GPHN: variants seen among roughly 807,000 people sequenced by gnomAD.
GPHN encodes the protein gephyrin.
GPHN carries 17 observed loss-of-function variants against 95.5 expected under a neutral mutation model. The ratio of observed to expected loss-of-function variants is 0.18; its 90% confidence interval spans 0.12 to 0.27. GPHN has a LOEUF of 0.27. Among genes scored for constraint, GPHN ranks in the 10% least tolerant of loss-of-function variants. The pLI, the probability that GPHN is intolerant of heterozygous loss-of-function variation, is 1.00. For missense variants in GPHN, 660 were observed against 978.1 expected, an observed-to-expected ratio of 0.67 and a Z score of 4.34; for synonymous variants, 320 against 322.5, an observed-to-expected ratio of 0.99 and a Z score of 0.08.
At chr14:67,569,954 C>T in the GPHN span, 2 of 1,610,382 alleles carry the variant, frequency 1.2e-6, no homozygotes, top group Non-Finnish European at 1.7e-6. Context: ...TCCCCTGGGT[C>T]TTTCTCTGGC....
chr14:67,190,870 A>G, the GPHN span, among the ~76,000 whole-genome samples: 1 of 152,236 alleles, frequency 6.6e-6, no homozygotes, highest in East Asian at 1.9e-4. Flanking sequence ...TGCTGGGAAT[A>G]ATTAACCTCA....
intron 8 of GPHN, among the ~76,000 whole-genome samples, chr14:66,959,087 C>T (rs2068725636): frequency 1.3e-5 from 2 of 152,058 alleles, no homozygotes; most frequent in African/African-American, 4.8e-5. Flanking sequence ...CAATATTATA[C>T]AACAACTTCA....
At chr14:66,521,296 C>T (rs1362757794) in intron 1 of GPHN, among the ~76,000 whole-genome samples, 1 of 151,764 alleles carries the variant, frequency 6.6e-6, no homozygotes, top group East Asian at 1.9e-4. Context: ...TATAAACTTC[C>T]AGGATGCTCA....
the GPHN span, among the ~76,000 whole-genome samples, chr14:67,405,765 C>T: frequency 6.6e-6 from 1 of 152,058 alleles, no homozygotes; most frequent in South Asian, 2.1e-4. Flanking sequence ...CCTAAGCAGC[C>T]CAATTGAGAG....
intron 18 of GPHN, among the ~76,000 whole-genome samples, chr14:67,147,163 T>C (rs1047267064): frequency 1.3e-5 from 2 of 152,256 alleles, no homozygotes; most frequent in African/African-American, 4.8e-5. Flanking sequence ...TCTGCTTTCC[T>C]GAAGCCATCA....
chr14:67,224,069 G>A, the GPHN span: 6 of 869,788 alleles, frequency 6.9e-6, no homozygotes, highest in Non-Finnish European at 8.3e-6. Flanking sequence ...GCTAGTTAGG[G>A]ACCATGATCT....
chr14:67,638,768 A>G, the GPHN span, among the ~76,000 whole-genome samples: 1 of 152,230 alleles, frequency 6.6e-6, no homozygotes, highest in Non-Finnish European at 1.5e-5. Context: ...CAGAAACACA[A>G]GGTTGCTGAG....
At chr14:67,587,474 A>G in the GPHN span, 15 of 550,078 alleles carry the variant, frequency 2.7e-5, no homozygotes, top group African/African-American at 2.6e-4. Context: ...TCATAAGAAT[A>G]ATGACTCCAG....
chr14:67,487,557 C>T, the GPHN span, among the ~76,000 whole-genome samples: 1 of 152,206 alleles, frequency 6.6e-6, no homozygotes, highest in Non-Finnish European at 1.5e-5. Context: ...GTCAGAACCT[C>T]ATGGAAGGCA....
intron 18 of GPHN, among the ~76,000 whole-genome samples, chr14:67,144,253 ATATATATATATATATATAT>A (rs2080729091): frequency 2.4e-4 from 11 of 46,442 alleles, no homozygotes; most frequent in Non-Finnish European, 3.7e-4. Context: ...AAAAAAAAAT[ATATATATATATATATATAT>A]ATATATATAT....
At chr14:67,040,402 G>T (rs1262511474) in intron 10 of GPHN, among the ~76,000 whole-genome samples, 1 of 151,952 alleles carries the variant, frequency 6.6e-6, no homozygotes, top group African/African-American at 2.4e-5. Flanking sequence ...AAATCTGGAG[G>T]GATGGCAAAT....
At chr14:67,320,310 T>A in the GPHN span, 1 of 1,613,830 alleles carries the variant, frequency 6.2e-7, no homozygotes. Flanking sequence ...ACCTATCATC[T>A]TGATTGGTCC....
In GPHN at chr14:66,833,594, G is replaced by A. The variant is rs190411326; in HGVS notation, c.294+9028G>A. ...CTCTTTTTTGAATCAGCATTTATTC[G>A]AATGCACATGAATACATTCCTCAGT... On this transcript the variant is annotated intron_variant, in intron 4 of 22. Transcript: ENST00000478722. Among the ~76,000 whole-genome samples the A allele has an allele frequency of 5.3e-5, 8 of 150,952 alleles. No homozygotes were observed. In the East Asian group the frequency reaches 1.4e-3, roughly 26 times the overall value.
the GPHN span, among the ~76,000 whole-genome samples, chr14:67,626,119 T>C: frequency 6.6e-6 from 1 of 152,060 alleles, no homozygotes; most frequent in Admixed American, 6.6e-5. Flanking sequence ...CCGGATGTGG[T>C]GGCACACTCC....
At position 67,040,707 on chromosome 14, in the gene GPHN, A is replaced by G. The variant is rs142287138; in HGVS notation, c.1006+17032A>G. ...GCATATAGCTCAGTTATTTTGTACA[A>G]TGTCCCTCAAATTTATATTTTTCTC... On this transcript the variant is annotated intron_variant, in intron 10 of 22. Transcript: ENST00000478722. 3.5e-3 allele frequency among the ~76,000 whole-genome samples: 539 copies of G among 152,190 alleles called. 2 individuals are homozygous for G. Among genetic ancestry groups the G allele is most frequent in the African/African-American group, 0.012 (511 of 41,544 alleles).
intron 2 of GPHN, among the ~76,000 whole-genome samples, chr14:66,757,111 T>C (rs1034339688): frequency 4.0e-5 from 6 of 151,868 alleles, no homozygotes; most frequent in African/African-American, 1.2e-4. Flanking sequence ...TATTTGAGAG[T>C]GGTTATGTAT....
chr14:67,221,966 C>A, the GPHN span: 1 of 836,414 alleles, frequency 1.2e-6, no homozygotes, highest in Non-Finnish European at 1.8e-6. Context: ...GAATCCTATA[C>A]TGAAGAAACT....
At chr14:66,863,387 A>T (rs2063107731) in intron 4 of GPHN, among the ~76,000 whole-genome samples, 1 of 152,294 alleles carries the variant, frequency 6.6e-6, no homozygotes, top group Admixed American at 6.5e-5. Flanking sequence ...TAAAATGTTC[A>T]TACTACCCAA....
chr14:67,394,327 TC>T, the GPHN span, among the ~76,000 whole-genome samples: 1 of 151,224 alleles, frequency 6.6e-6, no homozygotes, highest in Middle Eastern at 3.4e-3. Context: ...GCCCAGGAGG[TC>T]AAGGCTGCAG....
Sources: allele counts gnomAD v4.1 joint callset (sites outside exome capture counted in the v4.1 genomes callset), GRCh38; gene constraint gnomAD v4.1.1; transcripts MANE v1.5; gene names NCBI Gene and HGNC (gene_info 2026-07-23, HGNC 2026-07-21).